Variants in CFAP99 observed in about 807,000 individuals in gnomAD.
CFAP99 encodes the protein cilia- and flagella-associated protein 99.
In CFAP99, 84 loss-of-function variants were observed where a neutral mutation model predicts 82.7. That is an observed-to-expected ratio of 1.02 (90% confidence interval 0.85 to 1.22). The LOEUF (loss-of-function observed/expected upper bound fraction) is 1.22, where lower values mean the gene tolerates loss of function less well. Among genes scored for constraint, CFAP99 ranks in the 50% most tolerant of loss-of-function variants. CFAP99 has a pLI of 0.00. For synonymous variants in CFAP99, 456 were observed against 429.5 expected (o/e 1.06, Z -0.76); for missense variants, 1,059 against 983.5 (o/e 1.08, Z -1.03).
At chr4:2,437,050 C>G in intron 3 of CFAP99, 32 bp downstream of exon 3, 4 of 1,535,146 alleles carry the variant, frequency 2.6e-6, no homozygotes, top group South Asian at 1.2e-5. Context: ...AGGGCCAGGC[C>G]GTAGAGACGG....
intron 14 of CFAP99, 72 bp downstream of exon 14, chr4:2,460,314 C>CT: frequency 7.3e-7 from 1 of 1,362,546 alleles, no homozygotes; most frequent in African/African-American, 1.4e-5. Context: ...TTGCACCCTC[C>CT]TGGGTGGGTC....
At position 2,462,942 on chromosome 4, in the gene CFAP99, C is replaced by T; in HGVS notation, c.*16C>T. The stretch of plus-strand genomic sequence containing the variant: ...GGCCGCCTGAGCCGGGCCGAGCGCG[C>T]CCCACCCGCTTGCGGGCCACCCCCT... On this transcript the variant is annotated 3_prime_UTR_variant, in exon 15 of 15. Transcript: ENST00000635017. The surrounding 1 kb of genome is among the most constrained non-coding windows in gnomAD (Gnocchi z 4.1). 1.6e-6 allele frequency: 2 copies of T among 1,261,352 alleles called. No homozygotes were observed. The highest frequency in any genetic ancestry group is 2.6e-5 in the South Asian group (1 of 37,892). The allele number at this position is 1,261,352 out of a possible 1,614,324, so 78.1% of individuals were successfully genotyped here.
intron 11 of CFAP99, among the ~76,000 whole-genome samples, chr4:2,454,594 G>GTTT (rs1204498727): frequency 1.2e-5 from 1 of 84,536 alleles, no homozygotes; most frequent in African/African-American, 4.2e-5. Context: ...TTTTTTTTTT[G>GTTT]TTTTTTTTTT....
intron 2 of CFAP99, chr4:2,427,103 A>T (rs1733701483): frequency 6.3e-6 from 1 of 159,384 alleles, no homozygotes; most frequent in Non-Finnish European, 1.4e-5. Flanking sequence ...GCTTCTGTAC[A>T]CACCTCCTTC....
intron 8 of CFAP99, 72 bp downstream of exon 8, chr4:2,450,077 C>A: frequency 7.0e-7 from 1 of 1,438,004 alleles, no homozygotes; most frequent in Non-Finnish European, 9.5e-7. Context: ...TTCCTCCCAA[C>A]GCCATCGCAG....
At chr4:2,447,812 G>T (rs1352797096) in intron 6 of CFAP99, among the ~76,000 whole-genome samples, 1 of 89,592 alleles carries the variant, frequency 1.1e-5, no homozygotes, top group Non-Finnish European at 2.3e-5. Flanking sequence ...GTGAATTAAT[G>T]GATGGATGGG....
chr4:2,433,278 G>A (rs1365874494), intron 2 of CFAP99, among the ~76,000 whole-genome samples: 8 of 152,166 alleles, frequency 5.3e-5, no homozygotes, highest in Non-Finnish European at 8.8e-5. Context: ...AAGCGGAGTC[G>A]CCGGTGCCTG....
Position 2,436,951 on chromosome 4 carries a change from C to T in CFAP99, c.189C>T (p.Val63=), listed in dbSNP as rs138351186. ...TCGAGTACCGGAAGCTGCTGACCGT[C>T]GTGGTGGATGCCTTCTACGTGGAGG... The change falls in exon 3 of 15, where the codon GTC becomes GTT. Residue 63 remains valine (V), a synonymous_variant. Coordinates refer to ENST00000635017, the Ensembl canonical transcript of CFAP99. The T allele has an allele frequency of 6.3e-4, 962 of 1,536,058 alleles. 10 individuals are homozygous for T. The African/African-American group carries it at 0.012, about 19-fold the overall frequency.
At position 2,462,396 on chromosome 4, in the gene CFAP99, T is replaced by C; in HGVS notation, c.1662-47T>C. The C allele has an allele frequency of 7.2e-7, 1 of 1,391,864 alleles. No homozygotes were observed. The highest frequency in any genetic ancestry group is 9.2e-7 in the Non-Finnish European group (1 of 1,085,578). 86.2% of individuals were successfully genotyped at this position (1,391,864 alleles called of 1,614,324 possible). On this transcript the variant is annotated intron_variant, in intron 14 of 14. Transcript: ENST00000635017. The surrounding 1 kb of genome is among the most constrained non-coding windows in gnomAD (Gnocchi z 4.1). ...CACGGGTGGCATCCTGGGTCTGGCC[T>C]GGGCCTCCCGCCGGCCTGCTCCTGA...
At chr4:2,434,590 G>A (rs1171402321) in intron 2 of CFAP99, among the ~76,000 whole-genome samples, 10 of 152,180 alleles carry the variant, frequency 6.6e-5, no homozygotes, top group South Asian at 2.1e-4. Flanking sequence ...GGTCAGTCCC[G>A]GCTCCCAGCT....
chr4:2,459,976 G>C lies in CFAP99; in HGVS notation c.1456-61G>C. The C allele has an allele frequency of 4.1e-6, 6 of 1,459,228 alleles. No individual in the cohort carries two copies. The South Asian group carries it at 7.3e-5, about 18-fold the overall frequency. 90.4% of individuals were successfully genotyped at this position (1,459,228 alleles called of 1,614,324 possible). On this transcript the variant is annotated intron_variant, in intron 13 of 14. Coordinates refer to ENST00000635017, the Ensembl canonical transcript of CFAP99. ...GCCTATGGAACAGGGGAGGGATCCT[G>C]GTGGGAAGCATCGGGGCCCAGCACA...
intron 4 of CFAP99, 90 bp from the exon 5 acceptor site, chr4:2,443,040 G>A (rs1012924163): frequency 7.5e-6 from 5 of 665,102 alleles, no homozygotes; most frequent in Non-Finnish European, 1.3e-5. Flanking sequence ...GGCCTTGGGG[G>A]CAGGGAGCTC....
Position 2,462,740 on chromosome 4 carries a change from A to C in CFAP99, c.1959A>C (p.Arg653Ser). ...ATCGGGTCCGGTCCGCGGCCGGGAG[A>C]TACGCAGCGGCGGGCGCGGGAGGCG... Residue 653 changes from arginine to serine, a missense_variant, in exon 15 of 15, where the codon AGA becomes AGC. Physicochemically the swap from Arg to Ser is moderately radical, Grantham distance 110. Coordinates refer to ENST00000635017, the Ensembl canonical transcript of CFAP99. This position sits in a 1 kb window ranked among gnomAD's most constrained non-coding sequence, Gnocchi z 4.1. The C allele has an allele frequency of 8.1e-7, 1 of 1,239,820 alleles. No individual in the cohort carries two copies. The highest frequency in any genetic ancestry group is 4.3e-5 in the Admixed American group (1 of 23,006). 76.8% of individuals were successfully genotyped at this position (1,239,820 alleles called of 1,614,324 possible). A position where few individuals can be genotyped will look rare whatever the true frequency, so the allele number is the denominator to read the frequency against.
chr4:2,444,999 G>A (rs1001632604), intron 5 of CFAP99, 132 bp from the exon 6 acceptor site: 40 of 543,762 alleles, frequency 7.4e-5, no homozygotes, highest in Non-Finnish European at 9.0e-5. Flanking sequence ...AAGTGAGGCC[G>A]TCCATCCCAC....
chr4:2,435,984 C>T (rs1733899144), intron 2 of CFAP99, among the ~76,000 whole-genome samples: 2 of 149,390 alleles, frequency 1.3e-5, no homozygotes, highest in Non-Finnish European at 3.0e-5. Context: ...AGCAGCTACT[C>T]AGGAGGCCGA....
exon 9 of CFAP99, chr4:2,450,991 A>G (rs1479617579): frequency 6.5e-7 from 1 of 1,535,760 alleles, no homozygotes; most frequent in Non-Finnish European, 8.7e-7. Context: ...CCCGAATCCG[A>G]AAGACTCCGA....
intron 2 of CFAP99, among the ~76,000 whole-genome samples, chr4:2,432,642 A>T (rs924490123): frequency 6.6e-6 from 1 of 152,088 alleles, no homozygotes; most frequent in Non-Finnish European, 1.5e-5. Context: ...AGACAAGTGC[A>T]CTTCTGGAGG....
At chr4:2,452,682 C>T (rs3843895) in intron 11 of CFAP99, among the ~76,000 whole-genome samples, 2,933 of 152,308 alleles carry the variant, frequency 0.019, 81 homozygotes, top group African/African-American at 0.063. Context: ...TCAAAGGTCA[C>T]TCAGATTGCT....
chr4:2,460,088 C>A (rs779968383), exon 14 of CFAP99: 178 of 1,535,932 alleles, frequency 1.2e-4, no homozygotes, highest in Non-Finnish European at 1.5e-4. Context: ...GCTGCGAGAG[C>A]GGCTGGCCCT....
Sources: allele counts gnomAD v4.1 joint callset (sites outside exome capture counted in the v4.1 genomes callset), GRCh38; gene constraint gnomAD v4.1.1; non-coding constraint Gnocchi (gnomAD v3.1); transcripts MANE v1.5; gene names NCBI Gene and HGNC (gene_info 2026-07-23, HGNC 2026-07-21).